Variants in NAV3 observed in about 807,000 individuals in gnomAD.
The protein encoded by NAV3 is pore membrane and/or filament interacting like protein 1.
A neutral mutation model predicts 244.7 loss-of-function variants in NAV3; 87 were observed. The observed-to-expected ratio is 0.36, with a 90% CI of 0.30 to 0.42. The LOEUF (loss-of-function observed/expected upper bound fraction) is 0.42, where lower values mean the gene tolerates loss of function less well. NAV3 is among the 20% of genes least tolerant of loss of function. The pLI, the probability that NAV3 is intolerant of heterozygous loss-of-function variation, is 1.00. For missense variants in NAV3, 2,663 were observed against 2,893.3 expected (o/e 0.92, Z 1.83); for synonymous variants, 1,126 against 1,042.2 (o/e 1.08, Z -1.55).
chr12:78,049,832 T>C (rs1057291141), intron 9 of NAV3, among the ~76,000 whole-genome samples, 161 bp from the exon 10 acceptor site: 4 of 152,228 alleles, frequency 2.6e-5, no homozygotes, highest in Non-Finnish European at 5.9e-5. Context: ...ATTCACATTT[T>C]ATTGCTAGAA....
At chr12:78,051,183 G>A (rs1882704357) in intron 11 of NAV3, 36 bp downstream of exon 11, 4 of 1,571,826 alleles carry the variant, frequency 2.5e-6, no homozygotes, top group Non-Finnish European at 3.5e-6. Flanking sequence ...ATTGTGTGAA[G>A]AGGGGAGGTG....
intron 30 of NAV3, among the ~76,000 whole-genome samples, chr12:78,182,566 A>AT (rs1362021932): frequency 2.6e-5 from 4 of 151,962 alleles, no homozygotes; most frequent in Non-Finnish European, 5.9e-5. Flanking sequence ...TATAAAAAAA[A>AT]CTTAGTATCT....
chr12:77,639,639 C>A (rs1051129207), intron 2 of NAV3, among the ~76,000 whole-genome samples: 1 of 152,072 alleles, frequency 6.6e-6, no homozygotes, highest in South Asian at 2.1e-4. Context: ...TATGAGGGTG[C>A]TCAGTGTTGG....
chr12:77,974,809 G>A (rs1174730733), intron 5 of NAV3, among the ~76,000 whole-genome samples: 1 of 152,146 alleles, frequency 6.6e-6, no homozygotes, highest in Non-Finnish European at 1.5e-5. Context: ...GTTTTGAAGA[G>A]ACCAGATGAA....
chr12:77,583,932 A>G (rs1193409282), intron 2 of NAV3, among the ~76,000 whole-genome samples: 1 of 152,074 alleles, frequency 6.6e-6, no homozygotes, highest in Non-Finnish European at 1.5e-5. Context: ...GTACAGTACT[A>G]CCTATCTTCT....
chr12:77,723,755 CTTT>C (rs34518266), intron 2 of NAV3, among the ~76,000 whole-genome samples: 9 of 67,648 alleles, frequency 1.3e-4, no homozygotes, highest in Admixed American at 2.1e-4. Flanking sequence ...GCAATCTTGA[CTTT>C]TTTTTTTTTT....
chr12:78,134,056 T>C (rs1956275398), intron 18 of NAV3, among the ~76,000 whole-genome samples: 1 of 152,236 alleles, frequency 6.6e-6, no homozygotes, highest in African/African-American at 2.4e-5. Context: ...AACATTAATG[T>C]CAACCTGTCA....
intron 1 of NAV3, among the ~76,000 whole-genome samples, chr12:77,873,253 G>C (rs1881256580): frequency 6.6e-6 from 1 of 152,052 alleles, no homozygotes; most frequent in Non-Finnish European, 1.5e-5. Context: ...ATAGCAGTAT[G>C]AAAATGGATT....
rs1295483926 is a variant in NAV3 at position 78,190,053 on chromosome 12, A to G, written c.6125A>G (p.Tyr2042Cys). The G allele has an allele frequency of 6.2e-7, 1 of 1,613,124 alleles. No individual in the cohort carries two copies. The highest frequency in any genetic ancestry group is 8.5e-7 in the Non-Finnish European group (1 of 1,179,514). Reference protein sequence around the residue: ...TLIPKPITQRYFNLLMEHHRI... With the variant: ...TLIPKPITQRCFNLLMEHHRI... ...ATTCCTAAACCAATTACCCAAAGGTACTTTAACTTGTTGATGGAGCATCAC... is the reference window on the plus strand; with the variant it reads ...ATTCCTAAACCAATTACCCAAAGGTGCTTTAACTTGTTGATGGAGCATCAC... Residue 2042 changes from tyrosine (Y) to cysteine (C), a missense_variant, in exon 34 of 40, where the codon TAC (tyrosine) becomes TGC (cysteine). Coordinates refer to ENST00000397909, the MANE Select transcript of NAV3 (RefSeq NM_001024383.2).
chr12:77,592,819 C>T (rs1319332931), intron 2 of NAV3, among the ~76,000 whole-genome samples: 1 of 152,186 alleles, frequency 6.6e-6, no homozygotes, highest in Non-Finnish European at 1.5e-5. Flanking sequence ...TTTATCAGAT[C>T]ATTTCATACA....
intron 15 of NAV3, 87 bp downstream of exon 15, chr12:78,120,032 A>G: frequency 1.1e-6 from 1 of 921,674 alleles, no homozygotes; most frequent in South Asian, 2.1e-5. Flanking sequence ...GTGTATATAT[A>G]TATTTTAAAT....
chr12:77,697,102 T>C (rs768055323), intron 2 of NAV3, among the ~76,000 whole-genome samples: 4 of 152,140 alleles, frequency 2.6e-5, no homozygotes, highest in Non-Finnish European at 5.9e-5. Flanking sequence ...TGGTATCCTG[T>C]GTAAATTCTC....
intron 9 of NAV3, among the ~76,000 whole-genome samples, chr12:78,032,569 A>C (rs1477012768): frequency 6.6e-6 from 1 of 152,144 alleles, no homozygotes; most frequent in Admixed American, 6.6e-5. Context: ...ACCTAGTTGT[A>C]TTTACCCAAT....
intron 9 of NAV3, among the ~76,000 whole-genome samples, chr12:78,025,238 A>G (rs576774787): frequency 2.1e-4 from 32 of 152,134 alleles, no homozygotes; most frequent in Non-Finnish European, 3.2e-4. Context: ...TCTTCTAAGA[A>G]GGTTTCTTCC....
intron 1 of NAV3, among the ~76,000 whole-genome samples, chr12:77,834,724 C>T (rs1232812250): frequency 1.3e-5 from 2 of 152,166 alleles, no homozygotes; most frequent in East Asian, 3.9e-4. Flanking sequence ...CCCAATAAGC[C>T]TCTGTGGTAA....
intron 1 of NAV3, among the ~76,000 whole-genome samples, chr12:77,938,033 AG>A (rs1889491533): frequency 6.6e-6 from 1 of 152,122 alleles, no homozygotes; most frequent in South Asian, 2.1e-4. Flanking sequence ...ACTGGTAGTA[AG>A]TGGTCTCAAG....
intron 12 of NAV3, among the ~76,000 whole-genome samples, chr12:78,061,628 T>C (rs1198228539): frequency 6.6e-6 from 1 of 152,114 alleles, no homozygotes; most frequent in Non-Finnish European, 1.5e-5. Context: ...ATTCAGGAAG[T>C]GACTCGGGAT....
At chr12:77,573,899 A>C (rs2136649674) in intron 2 of NAV3, among the ~76,000 whole-genome samples, 1 of 152,274 alleles carries the variant, frequency 6.6e-6, no homozygotes, top group South Asian at 2.1e-4. Flanking sequence ...AAAGTTGAAG[A>C]ATGGAACGAA....
chr12:77,760,575 A>T (rs1396989709), intron 2 of NAV3, among the ~76,000 whole-genome samples: 1 of 152,218 alleles, frequency 6.6e-6, no homozygotes, highest in Non-Finnish European at 1.5e-5. Flanking sequence ...CGTCAAAGCC[A>T]TCATTGTGAA....
Sources: gnomAD v4.1 joint callset for allele counts (sites outside exome capture counted in the v4.1 genomes callset) on GRCh38, gnomAD v4.1.1 for gene constraint, MANE v1.5 for transcripts, NCBI Gene and HGNC (gene_info 2026-07-23, HGNC 2026-07-21) for gene names.